The following GLI3 variants were observed in gnomAD, a reference collection of about 807,000 sequenced individuals.
GLI3 encodes the protein transcription activator GLI3.
Under a neutral mutation model 100.8 loss-of-function variants are expected in GLI3, and 20 were observed. The ratio of observed to expected loss-of-function variants is 0.20; its 90% CI spans 0.14 to 0.29. GLI3 has a LOEUF of 0.29. Ranked by LOEUF, GLI3 falls within the 10% of genes least tolerant of loss-of-function variation. GLI3 has a pLI of 1.00. For missense variants in GLI3, 2,040 were observed against 2,128.5 expected, an observed-to-expected ratio of 0.96 and a Z score of 0.82; for synonymous variants, 938 against 860.5, an observed-to-expected ratio of 1.09 and a Z score of -1.58.
chr7:42,259,708 A>G (rs55797601), intron 1 of GLI3, among the ~76,000 whole-genome samples: 3,979 of 152,268 alleles, frequency 0.026, 178 homozygotes, highest in African/African-American at 0.091. Flanking sequence ...ATAAACGCAG[A>G]TGACCTTGCA....
chr7:42,211,586 T>C (rs904903987), intron 2 of GLI3, among the ~76,000 whole-genome samples: 38 of 152,342 alleles, frequency 2.5e-4, no homozygotes, highest in Admixed American at 7.2e-4. Context: ...ATTTCAACCA[T>C]GCCATTGTTC....
chr7:42,113,492 G>A (rs546674286), intron 3 of GLI3: 2 of 881,458 alleles, frequency 2.3e-6, no homozygotes, highest in African/African-American at 3.3e-5. Context: ...GCCTAAAAAG[G>A]CCCCTGAGAA....
intron 3 of GLI3, among the ~76,000 whole-genome samples, chr7:42,117,173 T>A (rs1359301978): frequency 6.6e-6 from 1 of 152,146 alleles, no homozygotes; most frequent in East Asian, 1.9e-4. Context: ...GATGTTGAGA[T>A]TTCACTCAAT....
intron 2 of GLI3, among the ~76,000 whole-genome samples, chr7:42,201,554 T>C (rs1788040506): frequency 6.6e-6 from 1 of 152,152 alleles, no homozygotes; most frequent in Non-Finnish European, 1.5e-5. Context: ...CATGCAAGGA[T>C]GGGAACACAT....
At chr7:42,062,670 G>T (rs1562710165) in intron 4 of GLI3, among the ~76,000 whole-genome samples, 1 of 151,260 alleles carries the variant, frequency 6.6e-6, no homozygotes, top group South Asian at 2.1e-4. Context: ...TCCTGAAATT[G>T]CTTGGATAAG....
intron 2 of GLI3, among the ~76,000 whole-genome samples, chr7:42,163,948 C>T (rs1787186265): frequency 6.6e-6 from 1 of 152,192 alleles, no homozygotes; most frequent in Non-Finnish European, 1.5e-5. Flanking sequence ...CTTTTGCTTA[C>T]TTGTCTTTAT....
chr7:42,262,225 T>TTCCTTCCTCCCTTCCTTCCTTCC (rs1789151410), intron 1 of GLI3, among the ~76,000 whole-genome samples: 1 of 118,700 alleles, frequency 8.4e-6, no homozygotes, highest in Non-Finnish European at 1.7e-5. Context: ...TCCTTCCTTC[T>TTCCTTCCTCCCTTCCTTCCTTCC]TTCCTTCCTT....
rs1008432226 is a variant in GLI3, at chr7:42,173,335, T to C, written c.125-24867A>G. 3.9e-5 allele frequency among the ~76,000 whole-genome samples: 6 copies of C among 152,202 alleles called. No homozygotes were observed. In the South Asian group the frequency reaches 8.3e-4, roughly 21 times the overall value. ...GTCCCAAGCAACTTTAAGTTACTTA[T>C]TTCTAAAGCCCAGTCTGGCCCTATT... is the stretch of plus-strand genomic sequence containing the variant. On this transcript the variant is annotated intron_variant, in intron 2 of 14. Transcript: ENST00000395925.
chr7:41,986,073 A>T (rs1459044803), intron 10 of GLI3, among the ~76,000 whole-genome samples: 1 of 152,198 alleles, frequency 6.6e-6, no homozygotes, highest in African/African-American at 2.4e-5. Context: ...ATAAAATTAT[A>T]CCAGAAAATA....
chr7:41,966,483 A>G lies in GLI3; in HGVS notation c.2590T>C (p.Ser864Pro). ...GAGAAGCAGGGCGAGATCCCTGAGG[A>G]GCGGCGGCTGCTCAGGTAGGCCGAG... ...ISSAYLSSRR[S>P]SGISPCFSSR... The change falls in exon 15 of 15, where the codon TCC (serine) becomes CCC (proline). Residue 864 changes from serine (S) to proline (P), a missense_variant. By Grantham distance (74) the Ser-to-Pro change is moderately conservative (BLOSUM62 -1). Around this residue, in one of 5 missense-constraint regions of GLI3, gnomAD observed 327 missense variants for 338.7 expected, o/e 0.97. Coordinates refer to ENST00000395925, the MANE Select transcript of GLI3 (RefSeq NM_000168.6). The surrounding 1 kb of genome is among the most constrained non-coding windows in gnomAD (Gnocchi z 5.8). 6.2e-7 allele frequency: 1 copy of G among 1,612,840 alleles called. No homozygotes were observed. Among genetic ancestry groups the G allele is most frequent in the Non-Finnish European group, 8.5e-7 (1 of 1,179,776 alleles).
At chr7:42,067,387 A>G (rs766255718) in intron 4 of GLI3, among the ~76,000 whole-genome samples, 1 of 152,184 alleles carries the variant, frequency 6.6e-6, no homozygotes, top group South Asian at 2.1e-4. Flanking sequence ...TAAAAATGTA[A>G]AGCATATTCA....
At chr7:42,049,077 T>C (rs545181190) in intron 4 of GLI3, among the ~76,000 whole-genome samples, 1 of 152,114 alleles carries the variant, frequency 6.6e-6, no homozygotes, top group East Asian at 1.9e-4. Flanking sequence ...ATTTAAAACT[T>C]ACCTCTTACT....
At chr7:42,245,583 A>T (rs956252847) in intron 1 of GLI3, among the ~76,000 whole-genome samples, 11 of 152,152 alleles carry the variant, frequency 7.2e-5, no homozygotes, top group African/African-American at 2.2e-4. Flanking sequence ...AGGGAGGCTG[A>T]GGCAGGAGAA....
At chr7:42,142,591 C>G (rs536403437) in intron 3 of GLI3, among the ~76,000 whole-genome samples, 1 of 152,186 alleles carries the variant, frequency 6.6e-6, no homozygotes, top group African/African-American at 2.4e-5. Flanking sequence ...AACAGAGATA[C>G]GCAGACTCAC....
chr7:42,188,444 C>A (rs1024528335), intron 2 of GLI3, among the ~76,000 whole-genome samples: 8 of 152,096 alleles, frequency 5.3e-5, no homozygotes. Context: ...AGCAATTCTA[C>A]TTTAAGGAAT....
chr7:42,011,139 C>T (rs1323457910), intron 10 of GLI3, among the ~76,000 whole-genome samples: 6 of 152,216 alleles, frequency 3.9e-5, no homozygotes, highest in Admixed American at 1.3e-4. Context: ...GATGTGGCCA[C>T]TGTAGATGTA....
At chr7:42,152,441 T>C (rs1786895375) in intron 2 of GLI3, 11 of 985,180 alleles carry the variant, frequency 1.1e-5, no homozygotes, top group Non-Finnish European at 1.3e-5. Context: ...AGGAACATTC[T>C]CGGTATCTCT....
At chr7:42,024,004 C>A (rs1400615337) in intron 9 of GLI3, among the ~76,000 whole-genome samples, 1 of 151,982 alleles carries the variant, frequency 6.6e-6, no homozygotes, top group Admixed American at 6.6e-5. Context: ...AAGATTGGTA[C>A]TTCTATTTTG....
At chr7:42,179,556 G>A (rs1787549634) in intron 2 of GLI3, among the ~76,000 whole-genome samples, 1 of 152,220 alleles carries the variant, frequency 6.6e-6, no homozygotes, top group South Asian at 2.1e-4. Context: ...TGAGGAAACT[G>A]AGGGCTGTTG....
Sources: allele counts gnomAD v4.1 joint callset (sites outside exome capture counted in the v4.1 genomes callset), GRCh38; gene constraint gnomAD v4.1.1; regional missense constraint gnomAD v4.1.1; non-coding constraint Gnocchi (gnomAD v3.1); transcripts MANE v1.5; gene names NCBI Gene and HGNC (gene_info 2026-07-23, HGNC 2026-07-21).